CCNY: variants seen among roughly 807,000 people sequenced by gnomAD.
CCNY encodes the protein cyclin-Y.
CCNY carries 19 observed loss-of-function variants against 42.8 expected under a neutral mutation model. The ratio of observed to expected loss-of-function variants is 0.44; its 90% CI spans 0.31 to 0.65. CCNY has a LOEUF of 0.65. CCNY is among the 30% of genes least tolerant of loss of function. CCNY has a pLI of 0.07. For synonymous variants in CCNY, 165 were observed against 162.7 expected (o/e 1.01, Z -0.11); for missense variants, 370 against 437.3 (o/e 0.85, Z 1.37).
intron 1 of CCNY, among the ~76,000 whole-genome samples, chr10:35,393,739 C>A (rs1185805881): frequency 6.6e-6 from 1 of 152,048 alleles, no homozygotes. Context: ...GCGAAGGCAT[C>A]ATTGGATGAG....
At chr10:35,360,771 T>C (rs1474634002) in intron 1 of CCNY, among the ~76,000 whole-genome samples, 4 of 152,048 alleles carry the variant, frequency 2.6e-5, no homozygotes, top group Non-Finnish European at 5.9e-5. Context: ...ATACAATGTA[T>C]AACTTAAAGA....
At chr10:35,474,765 T>C (rs1352942126) in intron 1 of CCNY, among the ~76,000 whole-genome samples, 1 of 152,224 alleles carries the variant, frequency 6.6e-6, no homozygotes, top group Admixed American at 6.5e-5. Flanking sequence ...GGAACGCAGC[T>C]CCTCACCAGC....
chr10:35,515,628 A>C (rs1049933148), intron 3 of CCNY, among the ~76,000 whole-genome samples: 3 of 152,196 alleles, frequency 2.0e-5, no homozygotes, highest in Admixed American at 1.3e-4. Flanking sequence ...TGACACTTAG[A>C]CATTCAACAT....
At chr10:35,267,546 G>A (rs757185848) in intron 3 of CCNY, among the ~76,000 whole-genome samples, 7 of 152,150 alleles carry the variant, frequency 4.6e-5, no homozygotes, top group Non-Finnish European at 8.8e-5. Context: ...CCATGGTGGT[G>A]GGCATGGGGG....
intron 7 of CCNY, among the ~76,000 whole-genome samples, chr10:35,550,725 C>T (rs1457911841): frequency 6.6e-6 from 1 of 152,162 alleles, no homozygotes; most frequent in Non-Finnish European, 1.5e-5. Context: ...AAGTTCTTTT[C>T]CAAACTATTA....
chr10:35,330,718 C>T (rs1255643963), intron 3 of CCNY, among the ~76,000 whole-genome samples: 1 of 152,022 alleles, frequency 6.6e-6, no homozygotes, highest in African/African-American at 2.4e-5. Flanking sequence ...TCCAGCTATC[C>T]TGACCATACT....
chr10:35,403,575 C>T (rs989966824), intron 1 of CCNY, among the ~76,000 whole-genome samples: 8 of 152,082 alleles, frequency 5.3e-5, no homozygotes, highest in African/African-American at 9.7e-5. Flanking sequence ...GGAAGTAAAG[C>T]GGCCTTGAGA....
At chr10:35,504,950 G>A (rs1840184340) in intron 3 of CCNY, among the ~76,000 whole-genome samples, 1 of 151,980 alleles carries the variant, frequency 6.6e-6, no homozygotes, top group Non-Finnish European at 1.5e-5. Flanking sequence ...AAAATTTAAT[G>A]CATATGAAAG....
intron 2 of CCNY, among the ~76,000 whole-genome samples, chr10:35,493,719 C>G (rs4934548): frequency 0.34 from 52,199 of 152,114 alleles, 9,175 homozygotes; most frequent in African/African-American, 0.41. Flanking sequence ...TGATTTCCCT[C>G]AATCTCAATT....
intron 3 of CCNY, among the ~76,000 whole-genome samples, chr10:35,273,368 AT>A (rs567067789): frequency 3.3e-5 from 5 of 151,268 alleles, no homozygotes; most frequent in Non-Finnish European, 5.9e-5. Context: ...TGCCCGGCTC[AT>A]TTTTTTTGTA....
chr10:35,288,467 A>G lies in CCNY; in HGVS notation c.-9+37841A>G, dbSNP rs368528866. 3.9e-5 allele frequency among the ~76,000 whole-genome samples: 6 copies of G among 152,068 alleles called. No individual in the cohort carries two copies. The East Asian group carries it at 7.7e-4, about 19-fold the overall frequency. On this transcript the variant is annotated intron_variant, in intron 3 of 11. Transcript: ENST00000374706. ...TTTTTTCTACAGTCTGTGGCTTGCT[A>G]TCTTTAGATGGGGAGAAGTTTTAAG...
At chr10:35,495,384 C>T (rs1398783531) in intron 2 of CCNY, among the ~76,000 whole-genome samples, 7 of 152,188 alleles carry the variant, frequency 4.6e-5, no homozygotes, top group African/African-American at 1.4e-4. Context: ...CAGAAAACCT[C>T]TCAAGTGTGT....
At chr10:35,334,716 G>A (rs946283813), upstream of CCNY, among the ~76,000 whole-genome samples, 1 of 152,214 alleles carries the variant, frequency 6.6e-6, no homozygotes, top group East Asian at 1.9e-4. Context: ...ACAGTTGAGA[G>A]CATGGAGCGT....
At chr10:35,469,838 C>T (rs1211724380) in intron 1 of CCNY, among the ~76,000 whole-genome samples, 7 of 115,488 alleles carry the variant, frequency 6.1e-5, no homozygotes, top group East Asian at 2.6e-4. Flanking sequence ...AGAGACAGGG[C>T]GATGGAGAGA....
At chr10:35,443,498 G>A (rs1838719960) in intron 1 of CCNY, among the ~76,000 whole-genome samples, 1 of 152,092 alleles carries the variant, frequency 6.6e-6, no homozygotes, top group Non-Finnish European at 1.5e-5. Context: ...CCTACACAGG[G>A]TCAGGATCAT....
At chr10:35,317,787 A>G (rs1007432232) in intron 3 of CCNY, among the ~76,000 whole-genome samples, 7 of 152,200 alleles carry the variant, frequency 4.6e-5, no homozygotes, top group African/African-American at 1.7e-4. Context: ...TTTGTCTTCA[A>G]ATATCGCAGT....
intron 1 of CCNY, among the ~76,000 whole-genome samples, chr10:35,393,731 G>A (rs1403836405): frequency 6.6e-6 from 1 of 152,104 alleles, no homozygotes; most frequent in South Asian, 2.1e-4. Flanking sequence ...AGTGCATGGC[G>A]AAGGCATCAT....
intron 1 of CCNY, among the ~76,000 whole-genome samples, chr10:35,358,938 C>T (rs986366031): frequency 3.9e-5 from 6 of 152,240 alleles, no homozygotes; most frequent in African/African-American, 7.2e-5. Flanking sequence ...ACCTGTCTCC[C>T]GTCGGCTGCC....
At chr10:35,267,499 C>T (rs1221419946) in intron 3 of CCNY, among the ~76,000 whole-genome samples, 1 of 152,126 alleles carries the variant, frequency 6.6e-6, no homozygotes, top group African/African-American at 2.4e-5. Context: ...GCTGTCACCC[C>T]GTTCTGCTGG....
Sources: allele counts gnomAD v4.1 joint callset (sites outside exome capture counted in the v4.1 genomes callset), GRCh38; gene constraint gnomAD v4.1.1; transcripts MANE v1.5; gene names NCBI Gene and HGNC (gene_info 2026-07-23, HGNC 2026-07-21).